DGKK: variants seen among roughly 807,000 people sequenced by gnomAD.
The protein encoded by DGKK is 142 kDa diacylglycerol kinase.
Under a neutral mutation model 92.2 loss-of-function variants are expected in DGKK, and 35 were observed. The ratio of observed to expected loss-of-function variants is 0.38; its 90% CI spans 0.29 to 0.50. The LOEUF is 0.50. Ranked by LOEUF, DGKK falls within the 20% of genes least tolerant of loss-of-function variation. The pLI is 0.92. For missense variants in DGKK, 910 were observed against 992.2 expected (o/e 0.92, Z 1.11); for synonymous variants, 368 against 360.6 (o/e 1.02, Z -0.23).
In DGKK at chrX:50,371,837, G is replaced by A. The variant is rs1924138886; in HGVS notation, c.3502-3C>T. On this transcript the variant is annotated splice_polypyrimidine_tract_variant and splice_region_variant and intron_variant, in intron 25 of 27. Coordinates refer to ENST00000611977, the MANE Select transcript of DGKK (RefSeq NM_001013742.4). Reference sequence around the variant, plus strand: ...GTCTCATCCTCAGCACTTCTCAGCTGGTACAGACAGGAAAAAGAGTAAGTG... The same window carrying A: ...GTCTCATCCTCAGCACTTCTCAGCTAGTACAGACAGGAAAAAGAGTAAGTG... 2 of 1,148,901 alleles carry A rather than the reference G, an allele frequency of 1.7e-6. No individual in the cohort carries two copies. Among genetic ancestry groups the A allele is most frequent in the South Asian group, 3.7e-5 (2 of 53,456 alleles). 94.7% of individuals were successfully genotyped at this position (1,148,901 alleles called of 1,213,427 possible).
chrX:50,403,175 G>A lies in DGKK; in HGVS notation c.1194C>T (p.Pro398=). The part of the protein sequence containing the change: ...LLLPADEVNM[P]HQWVEGNMPV... ...GCATGTTTCCTTCTACCCATTGATG[G>A]GGCATGTTCTGCAGAAGGGTAAAAA... Residue 398 remains proline, a synonymous_variant, in exon 7 of 28, where the codon CCC becomes CCT. Transcript: ENST00000611977. The A allele has an allele frequency of 8.4e-7, 1 of 1,194,057 alleles. No homozygotes were observed.
chrX:50,384,093 A>C, intron 17 of DGKK, 75 bp downstream of exon 17: 6 of 602,835 alleles, frequency 1.0e-5, no homozygotes, highest in East Asian at 4.9e-5. Context: ...GGATTTGACT[A>C]TGGATATCCT....
In DGKK at chrX:50,422,523, C is replaced by A. The variant is rs1569544764; in HGVS notation, c.760G>T (p.Ala254Ser). ...GACAGATCAATCGTTTCAAAGTGTG[C>A]AAACTGGAAAGATATAAGACAGAGA... ...KLYFAHHPAFAHFETIDLSQA... is the reference protein window; with the variant it reads ...KLYFAHHPAFSHFETIDLSQA... Residue 254 changes from alanine to serine, a missense_variant, in exon 3 of 28, where the codon GCA (alanine) becomes TCA (serine). Transcript: ENST00000611977. 3 of 1,199,344 alleles carry A rather than the reference C, an allele frequency of 2.5e-6. No homozygotes were observed. The highest frequency in any genetic ancestry group is 1.8e-5 in the African/African-American group (1 of 56,831).
At position 50,370,562 on chromosome X, in the gene DGKK, A is replaced by G; in HGVS notation, c.3613-13T>C. On this transcript the variant is annotated splice_polypyrimidine_tract_variant and intron_variant, in intron 26 of 27. Coordinates refer to ENST00000611977, the MANE Select transcript of DGKK (RefSeq NM_001013742.4). ...CCGAAGATTTTTCCTGAGAAACCAC[A>G]AGAGGAAGGTCAAAATGTTAGTTGC... The G allele has an allele frequency of 8.4e-7, 1 of 1,191,450 alleles. No individual in the cohort carries two copies. The highest frequency in any genetic ancestry group is 1.9e-5 in the South Asian group (1 of 53,804).
intron 4 of DGKK, among the ~76,000 whole-genome samples, chrX:50,406,432 G>A (rs1428509763): frequency 9.0e-6 from 1 of 111,562 alleles, no homozygotes; most frequent in Non-Finnish European, 1.9e-5. Context: ...CTTGGAAATA[G>A]GGGTTTAACC....
chrX:50,404,445 CT>C (rs781970634), intron 4 of DGKK, among the ~76,000 whole-genome samples: 2,378 of 90,860 alleles, frequency 0.026, 47 homozygotes, highest in African/African-American at 0.06. Flanking sequence ...GAGTAATTAT[CT>C]TTTTTTTTTT....
At position 50,376,824 on chromosome X, in the gene DGKK, C is replaced by T. The variant is rs139988151; in HGVS notation, c.3206G>A (p.Ser1069Asn). ...CTGGGCATACTCCTCGTCAGAGAGG[C>T]TCTCTTGAGAGTCCTGGAAGTCCAG... ...PQLDFQDSQE[S>N]LSDEEYAQMQ... The change falls in exon 23 of 28, where the codon AGC becomes AAC. Residue 1069 changes from serine (S) to asparagine (N), a missense_variant. Transcript: ENST00000611977. 6.6e-3 allele frequency: 7,948 copies of T among 1,206,913 alleles called. 31 individuals are homozygous for T. Among genetic ancestry groups the T allele is most frequent in the Middle Eastern group, 0.021 (91 of 4,253 alleles).
intron 15 of DGKK, 104 bp downstream of exon 15, chrX:50,386,254 G>T: frequency 3.6e-6 from 2 of 558,840 alleles, no homozygotes; most frequent in African/African-American, 2.3e-5. Flanking sequence ...TAGACTTTTT[G>T]TAGCAGAGTC....
intron 1 of DGKK, among the ~76,000 whole-genome samples, chrX:50,454,542 T>C (rs782555283): frequency 1.1e-4 from 12 of 111,797 alleles, no homozygotes; most frequent in Non-Finnish European, 1.9e-4. Flanking sequence ...AGAACATTAA[T>C]TAATATCCTG....
intron 13 of DGKK, 112 bp from the exon 14 acceptor site, chrX:50,387,765 C>T: frequency 2.0e-6 from 1 of 502,911 alleles, no homozygotes; most frequent in South Asian, 3.6e-5. Context: ...CTGATCTGTC[C>T]TCTTTCTCTC....
chrX:50,402,556 G>C (rs1339627713), intron 7 of DGKK, among the ~76,000 whole-genome samples: 2 of 111,886 alleles, frequency 1.8e-5, no homozygotes, highest in Non-Finnish European at 3.8e-5. Context: ...TCACTTTTCT[G>C]ACCCTCACCT....
chrX:50,439,643 A>T (rs1926119549), intron 1 of DGKK, among the ~76,000 whole-genome samples: 1 of 111,233 alleles, frequency 9.0e-6, no homozygotes, highest in Non-Finnish European at 1.9e-5. Flanking sequence ...TTACATATAA[A>T]TAGTCCAAGC....
At chrX:50,438,946 C>T (rs1926102712) in intron 1 of DGKK, among the ~76,000 whole-genome samples, 1 of 111,401 alleles carries the variant, frequency 9.0e-6, no homozygotes, top group South Asian at 3.8e-4. Context: ...TATTTCAAAA[C>T]TGAGCAGGCC....
intron 13 of DGKK, among the ~76,000 whole-genome samples, 152 bp from the exon 14 acceptor site, chrX:50,387,805 C>CT (rs1418361695): frequency 7.2e-5 from 8 of 110,520 alleles, no homozygotes; most frequent in Non-Finnish European, 1.1e-4. Flanking sequence ...TTTCTCTCTG[C>CT]TTTTTTTTTC....
intron 1 of DGKK, among the ~76,000 whole-genome samples, chrX:50,428,104 G>A (rs1461002703): frequency 9.1e-6 from 1 of 110,294 alleles, no homozygotes; most frequent in Non-Finnish European, 1.9e-5. Flanking sequence ...GTATGAGAAG[G>A]GGAGAGTTTC....
At chrX:50,469,262 A>G (rs1179258897) in intron 1 of DGKK, among the ~76,000 whole-genome samples, 1 of 111,825 alleles carries the variant, frequency 8.9e-6, no homozygotes, top group Admixed American at 9.4e-5. Context: ...TACCATTCCA[A>G]TTGGCCCTGG....
chrX:50,382,354 G>C, intron 18 of DGKK, 142 bp downstream of exon 18: 1 of 453,177 alleles, frequency 2.2e-6, no homozygotes, highest in South Asian at 5.0e-5. Context: ...TGTCCCGCTA[G>C]ACTAGTCTTG....
In DGKK at chrX:50,404,200, G is replaced by A. The variant is rs782395691; in HGVS notation, c.943-16C>T. On this transcript the variant is annotated splice_polypyrimidine_tract_variant and intron_variant, in intron 4 of 27. Transcript: ENST00000611977. ...CTGCAGGTATCTAAAATAAATAAACGAGAAGAGAGAATGGAGGATGAATCA... is the reference window on the plus strand; with the variant it reads ...CTGCAGGTATCTAAAATAAATAAACAAGAAGAGAGAATGGAGGATGAATCA... 1.9e-5 allele frequency: 23 copies of A among 1,189,813 alleles called. No individual in the cohort carries two copies. The highest frequency in any genetic ancestry group is 5.6e-5 in the South Asian group (3 of 53,370).
Position 50,396,006 on chromosome X carries a change from T to A in DGKK, c.1412-2671A>T, listed in dbSNP as rs1388525667. On this transcript the variant is annotated intron_variant, in intron 8 of 27. Transcript: ENST00000611977. ...ATATAGACGTGTATGTAAAAGGATA[T>A]GCATGAGGCTGTTCACTGTGGCATT... 6.3e-5 allele frequency among the ~76,000 whole-genome samples: 7 copies of A among 111,730 alleles called. No homozygotes were observed. The Admixed American group carries it at 6.7e-4, about 11-fold the overall frequency.
Sources: gnomAD v4.1 joint callset for allele counts (sites outside exome capture counted in the v4.1 genomes callset) on GRCh38, gnomAD v4.1.1 for gene constraint, MANE v1.5 for transcripts, NCBI Gene and HGNC (gene_info 2026-07-23, HGNC 2026-07-21) for gene names.